ZNF286A: variants seen among roughly 807,000 people sequenced by gnomAD.
The protein encoded by ZNF286A is zinc finger protein 286A.
ZNF286A carries 34 observed loss-of-function variants against 49.3 expected under a neutral mutation model. The observed-to-expected ratio is 0.69, with a 90% CI of 0.52 to 0.92. ZNF286A has a LOEUF of 0.92. Among genes scored for constraint, ZNF286A ranks in the 40% least tolerant of loss-of-function variants. The probability of loss-of-function intolerance (pLI) is 0.00; values close to 1 mark genes in which losing one functional copy is unlikely to be tolerated. For missense variants in ZNF286A, 462 were observed against 600.2 expected (o/e 0.77, Z 2.41); for synonymous variants, 155 against 200.4 (o/e 0.77, Z 1.91).
At chr17:15,701,016 G>A (rs1315313009) in intron 2 of ZNF286A, 136 bp from the exon 3 acceptor site, 4 of 609,078 alleles carry the variant, frequency 6.6e-6, no homozygotes, top group East Asian at 2.8e-5. Flanking sequence ...CCTGGGAGGA[G>A]GTCGGTTGTT....
At chr17:15,707,833 AC>A (rs1193260949) in intron 4 of ZNF286A, among the ~76,000 whole-genome samples, 2 of 152,090 alleles carry the variant, frequency 1.3e-5, no homozygotes, top group Non-Finnish European at 2.9e-5. Context: ...TATACCCATT[AC>A]AAATAACTAA....
intron 3 of ZNF286A, among the ~76,000 whole-genome samples, chr17:15,705,790 T>C (rs1990186664): frequency 6.6e-6 from 1 of 152,238 alleles, no homozygotes; most frequent in African/African-American, 2.4e-5. Flanking sequence ...TTTTGTCTTA[T>C]AGAAGTATAA....
chr17:15,711,859 T>TCC lies in ZNF286A; in HGVS notation c.334+3612_334+3613insCC, dbSNP rs1567709650. Among the ~76,000 whole-genome samples, 64 of 83,216 alleles carry TCC rather than the reference T, an allele frequency of 7.7e-4. 6 individuals are homozygous for TCC. The highest frequency in any genetic ancestry group is 2.3e-3 in the African/African-American group (49 of 20,966). The allele number at this position is 83,216 out of a possible 152,430, so 54.6% of individuals were successfully genotyped here. A position where few individuals can be genotyped will look rare whatever the true frequency, so the allele number is the denominator to read the frequency against. On this transcript the variant is annotated intron_variant, in intron 5 of 5. Coordinates refer to ENST00000583566, the MANE Select transcript of ZNF286A (RefSeq NM_001130842.2). ...TCTAAATTTGCATTTATCTGTAATCTGCCCCCCCCCCGGCTTTTTTTTTTT... is the reference window on the plus strand; with the variant it reads ...TCTAAATTTGCATTTATCTGTAATCTCCGCCCCCCCCCCGGCTTTTTTTTTTT...
rs1223366576 is a variant in ZNF286A at position 15,720,130 on chromosome 17, A to G, written c.*2840A>G. ...GGAAAAACTCCCTACTCTGAGTCTC[A>G]GTTTCTTTATCTGTATTAGGTTTCA... is the stretch of plus-strand genomic sequence containing the variant. On this transcript the variant is annotated 3_prime_UTR_variant, in exon 6 of 6. Coordinates refer to ENST00000583566, the MANE Select transcript of ZNF286A (RefSeq NM_001130842.2). The G allele has an allele frequency of 1.3e-5, 2 of 152,102 alleles. No individual in the cohort carries two copies. The highest frequency in any genetic ancestry group is 6.5e-5 in the Admixed American group (1 of 15,282). 9.4% of individuals were successfully genotyped at this position (152,102 alleles called of 1,614,324 possible).
At chr17:15,705,212 A>G (rs566598325) in intron 3 of ZNF286A, among the ~76,000 whole-genome samples, 16 of 152,280 alleles carry the variant, frequency 1.1e-4, no homozygotes, top group African/African-American at 2.4e-4. Context: ...CTTCACCCAG[A>G]TTTTGCAAAA....
At chr17:15,712,572 G>C (rs570143647) in intron 5 of ZNF286A, among the ~76,000 whole-genome samples, 1 of 152,132 alleles carries the variant, frequency 6.6e-6, no homozygotes, top group African/African-American at 2.4e-5. Context: ...GGAAATCTAC[G>C]CACAGTCTTT....
At chr17:15,716,003 T>C (rs757341121) in intron 5 of ZNF286A, 56 bp from the exon 6 acceptor site, 5 of 1,611,774 alleles carry the variant, frequency 3.1e-6, no homozygotes, top group Non-Finnish European at 2.5e-6. Context: ...ATTACAGAAC[T>C]GCCTTTTTGT....
chr17:15,711,161 C>CTAGG (rs2049767739), intron 5 of ZNF286A, among the ~76,000 whole-genome samples: 1 of 152,140 alleles, frequency 6.6e-6, no homozygotes, highest in Non-Finnish European at 1.5e-5. Context: ...ATCCGCCCGC[C>CTAGG]TAGGCCTCCC....
chr17:15,709,165 G>A (rs1216101261), intron 5 of ZNF286A, among the ~76,000 whole-genome samples: 1 of 151,542 alleles, frequency 6.6e-6, no homozygotes, highest in Non-Finnish European at 1.5e-5. Context: ...TATTTTTTAA[G>A]AAATAAAAAT....
intron 5 of ZNF286A, 42 bp downstream of exon 5, chr17:15,708,289 C>T: frequency 6.7e-7 from 1 of 1,489,236 alleles, no homozygotes; most frequent in Non-Finnish European, 9.0e-7. Flanking sequence ...GATAGCCCAG[C>T]AGGACAATGA....
chr17:15,703,116 TACAC>T (rs1242468130), intron 3 of ZNF286A, among the ~76,000 whole-genome samples: 1 of 152,180 alleles, frequency 6.6e-6, no homozygotes, highest in Admixed American at 6.5e-5. Flanking sequence ...AGAATATACC[TACAC>T]ACACACGCAC....
At position 15,707,372 on chromosome 17, in the gene ZNF286A, G is replaced by A. The variant is rs141656153; in HGVS notation, c.242-783G>A. On this transcript the variant is annotated intron_variant, in intron 4 of 5. Transcript: ENST00000583566. ...GGAGAATGGCATGACCCCGGGAGGCGGAGCTTGCAGTGAGCCGAGATTGCG... is the reference window on the plus strand; with the variant it reads ...GGAGAATGGCATGACCCCGGGAGGCAGAGCTTGCAGTGAGCCGAGATTGCG... Among the ~76,000 whole-genome samples the A allele has an allele frequency of 6.1e-3, 931 of 151,606 alleles. 10 individuals carry two copies. Among genetic ancestry groups the A allele is most frequent in the African/African-American group, 0.021 (883 of 41,294 alleles).
At chr17:15,707,180 C>T (rs1990291611) in intron 4 of ZNF286A, among the ~76,000 whole-genome samples, 2 of 152,138 alleles carry the variant, frequency 1.3e-5, no homozygotes, top group African/African-American at 4.8e-5. Flanking sequence ...GTGGCTCACG[C>T]CTGTAATCCC....
chr17:15,705,004 G>A (rs946622820), intron 3 of ZNF286A: 15 of 757,972 alleles, frequency 2.0e-5, no homozygotes, highest in Non-Finnish European at 2.7e-5. Context: ...CCCTGGAGAG[G>A]CCCCGGCGGC....
rs1350844338 is a variant in ZNF286A at position 15,717,443 on chromosome 17, G to A, written c.*153G>A. On this transcript the variant is annotated 3_prime_UTR_variant, in exon 6 of 6. Coordinates refer to ENST00000583566, the MANE Select transcript of ZNF286A (RefSeq NM_001130842.2). ...CGTAATACATAGTTTTGAGCCATAA[G>A]CAGGTTCTTTATGTCCGTTAATTTG... 3.7e-6 allele frequency: 5 copies of A among 1,340,526 alleles called. No homozygotes were observed. In the Admixed American group the frequency reaches 1.5e-4, roughly 40 times the overall value. The allele number at this position is 1,340,526 out of a possible 1,614,324, so 83.0% of individuals were successfully genotyped here.
chr17:15,715,803 T>C (rs955804965), intron 5 of ZNF286A, among the ~76,000 whole-genome samples: 13 of 152,202 alleles, frequency 8.5e-5, no homozygotes, highest in African/African-American at 3.1e-4. Context: ...ATTGCTTCAT[T>C]GGCATCTCTA....
chr17:15,704,680 G>C, intron 3 of ZNF286A: 1 of 1,613,822 alleles, frequency 6.2e-7, no homozygotes, highest in Non-Finnish European at 8.5e-7. Context: ...GCCCTTGGGT[G>C]GGGAGGCAGG....
At chr17:15,701,088 T>C (rs1167858715) in intron 2 of ZNF286A, 64 bp from the exon 3 acceptor site, 11 of 1,467,366 alleles carry the variant, frequency 7.5e-6, no homozygotes, top group Non-Finnish European at 9.5e-7. Context: ...AAGTGGTTTT[T>C]AGACTTTAAA....
intron 5 of ZNF286A, among the ~76,000 whole-genome samples, chr17:15,712,027 A>G (rs1472234848): frequency 1.3e-5 from 2 of 151,890 alleles, no homozygotes; most frequent in Non-Finnish European, 2.9e-5. Flanking sequence ...GCCCGCCACC[A>G]CACCCGGCTA....
Sources: allele counts gnomAD v4.1 joint callset (sites outside exome capture counted in the v4.1 genomes callset), GRCh38; gene constraint gnomAD v4.1.1; transcripts MANE v1.5; gene names NCBI Gene and HGNC (gene_info 2026-07-23, HGNC 2026-07-21).